ZNF681: variants seen among roughly 807,000 people sequenced by gnomAD.
ZNF681 encodes hypothetical protein FLJ31526.
A neutral mutation model predicts 56.0 loss-of-function variants in ZNF681; 37 were observed. The ratio of observed to expected loss-of-function variants is 0.66; its 90% CI spans 0.51 to 0.87. ZNF681 has a LOEUF of 0.87. Among genes scored for constraint, ZNF681 ranks in the 40% least tolerant of loss-of-function variants. ZNF681 has a pLI of 0.00. For synonymous variants in ZNF681, 225 were observed against 248.6 expected (o/e 0.91, Z 0.89); for missense variants, 741 against 744.9 (o/e 0.99, Z 0.06).
At chr19:23,747,194 T>G (rs1460495875) in intron 3 of ZNF681, among the ~76,000 whole-genome samples, 2 of 152,224 alleles carry the variant, frequency 1.3e-5, no homozygotes, top group Admixed American at 6.5e-5. Context: ...AAACTGGAAA[T>G]TGAGAACACA....
intron 3 of ZNF681, among the ~76,000 whole-genome samples, chr19:23,746,129 A>G (rs1968941332): frequency 6.6e-6 from 1 of 152,112 alleles, no homozygotes; most frequent in Non-Finnish European, 1.5e-5. Context: ...AGCCTGGCCA[A>G]CATGGTGAAA....
At chr19:23,753,538 T>C (rs1362876512) in intron 3 of ZNF681, among the ~76,000 whole-genome samples, 1 of 152,306 alleles carries the variant, frequency 6.6e-6, no homozygotes, top group Non-Finnish European at 1.5e-5. Flanking sequence ...AAATATTTCA[T>C]GTCTATAGAT....
At chr19:23,747,401 A>G (rs1203421656) in intron 3 of ZNF681, among the ~76,000 whole-genome samples, 1 of 152,122 alleles carries the variant, frequency 6.6e-6, no homozygotes, top group Non-Finnish European at 1.5e-5. Flanking sequence ...GCACTTTGGG[A>G]GGCCGAGGCG....
intron 1 of ZNF681, among the ~76,000 whole-genome samples, chr19:23,756,711 G>A (rs1259579681): frequency 6.6e-6 from 1 of 151,886 alleles, no homozygotes; most frequent in African/African-American, 2.4e-5. Flanking sequence ...TTAAAACCTA[G>A]GTGATGGGTT....
At position 23,741,277 on chromosome 19, in the gene ZNF681, G is replaced by C. The variant is rs1234981970; in HGVS notation, c.*2335C>G. 7.9e-5 allele frequency: 12 copies of C among 152,130 alleles called. No individual in the cohort carries two copies. Among genetic ancestry groups the C allele is most frequent in the Admixed American group, 7.9e-4 (12 of 15,260 alleles). 9.4% of individuals were successfully genotyped at this position (152,130 alleles called of 1,614,324 possible). Reference sequence around the variant, plus strand: ...TAGTCTGTATGTGCTTGCAGGCAGAGAGGCAACATGTTTGAAGAAAAATAT... The same window carrying C: ...TAGTCTGTATGTGCTTGCAGGCAGACAGGCAACATGTTTGAAGAAAAATAT... On this transcript the variant is annotated 3_prime_UTR_variant, in exon 4 of 4. Coordinates refer to ENST00000402377, the MANE Select transcript of ZNF681 (RefSeq NM_138286.3).
intron 3 of ZNF681, among the ~76,000 whole-genome samples, chr19:23,746,350 A>G (rs1252367190): frequency 6.6e-6 from 1 of 151,562 alleles, no homozygotes; most frequent in Non-Finnish European, 1.5e-5. Context: ...GAGAAAGTTT[A>G]TTTGGTACAC....
chr19:23,751,474 CAAAAAAAAA>C (rs71165893), intron 3 of ZNF681, among the ~76,000 whole-genome samples: 1 of 123,032 alleles, frequency 8.1e-6, no homozygotes, highest in African/African-American at 3.1e-5. Flanking sequence ...GACTCCGTCT[CAAAAAAAAA>C]AAAAAAAGAA....
At chr19:23,755,594 C>CAT in intron 1 of ZNF681, 43 bp from the exon 2 acceptor site, 1 of 910,904 alleles carries the variant, frequency 1.1e-6, no homozygotes, top group Non-Finnish European at 1.5e-6. Flanking sequence ...CACACACACA[C>CAT]ACACATACAC....
intron 2 of ZNF681, among the ~76,000 whole-genome samples, chr19:23,755,153 G>A (rs1387488323): frequency 1.3e-5 from 2 of 152,202 alleles, no homozygotes. Context: ...TTTAAAGTGT[G>A]AGCAATAATA....
rs139031533 is a variant in ZNF681, at chr19:23,745,881, T to G, written c.227-558A>C. ...GGTGAGCAGAATGCAAAGAGCCACA[T>G]AGAAAGAAAATAAAAGCCTGTTACA... is the stretch of plus-strand genomic sequence containing the variant. On this transcript the variant is annotated intron_variant, in intron 3 of 3. Coordinates refer to ENST00000402377, the MANE Select transcript of ZNF681 (RefSeq NM_138286.3). Among the ~76,000 whole-genome samples, 23 of 152,226 alleles carry G rather than the reference T, an allele frequency of 1.5e-4. 2 individuals are homozygous for G. In the East Asian group the frequency reaches 4.4e-3, roughly 29 times the overall value.
At chr19:23,749,823 A>G (rs938573433) in intron 3 of ZNF681, among the ~76,000 whole-genome samples, 1 of 152,016 alleles carries the variant, frequency 6.6e-6, no homozygotes, top group Admixed American at 6.6e-5. Context: ...AAAAAATCTG[A>G]AAAAATTCAG....
chr19:23,749,009 A>G (rs536946582), intron 3 of ZNF681, among the ~76,000 whole-genome samples: 27 of 152,326 alleles, frequency 1.8e-4, no homozygotes, highest in African/African-American at 6.3e-4. Context: ...TCTATATGCA[A>G]ACTCTGCAAT....
At chr19:23,748,285 T>C (rs12974998) in intron 3 of ZNF681, among the ~76,000 whole-genome samples, 68,271 of 151,946 alleles carry the variant, frequency 0.45, 16,383 homozygotes, top group Non-Finnish European at 0.56. Context: ...AACTCAGCAT[T>C]CCACTGAAGG....
intron 2 of ZNF681, 78 bp from the exon 3 acceptor site, chr19:23,754,996 G>A: frequency 4.9e-6 from 5 of 1,025,806 alleles, no homozygotes; most frequent in Non-Finnish European, 7.2e-6. Flanking sequence ...TCAGTAAAGA[G>A]GGTGAAATAG....
intron 2 of ZNF681, among the ~76,000 whole-genome samples, chr19:23,755,220 T>G (rs1254438878): frequency 6.6e-6 from 1 of 152,094 alleles, no homozygotes; most frequent in Non-Finnish European, 1.5e-5. Flanking sequence ...AGAATACAGA[T>G]TAGCTCAGGA....
rs1168847714 is a variant in ZNF681 at position 23,744,759 on chromosome 19, T to C, written c.791A>G (p.Asn264Ser). 6 of 1,613,356 alleles carry C rather than the reference T, an allele frequency of 3.7e-6. No individual in the cohort carries two copies. Among genetic ancestry groups the C allele is most frequent in the Non-Finnish European group, 3.4e-6 (4 of 1,179,612 alleles). Residue 264 changes from asparagine (N) to serine (S), a missense_variant, in exon 4 of 4, where the codon AAC (asparagine) becomes AGC (serine). By Grantham distance (46) the Asn-to-Ser change is conservative (BLOSUM62 1). Transcript: ENST00000402377. ...YKREECSKAF[N>S]LSSHITTHTI... is the part of the protein sequence containing the mutation. ...ATGTGTTGTAATGTGTGACGACAGG[T>C]TAAAGGCTTTGCTACATTCTTCACG...
Position 23,758,788 on chromosome 19 carries a change from T to C in ZNF681, c.-39A>G, listed in dbSNP as rs1326212748. On this transcript the variant is annotated 5_prime_UTR_variant, in exon 1 of 4. Coordinates refer to ENST00000402377, the MANE Select transcript of ZNF681 (RefSeq NM_138286.3). Reference sequence around the variant, plus strand: ...GGGGACCTGGCGTCTTAGCTATGGATCGCCAATACCTGCAGGTCAGAGGGC... The same window carrying C: ...GGGGACCTGGCGTCTTAGCTATGGACCGCCAATACCTGCAGGTCAGAGGGC... 2.5e-6 allele frequency: 4 copies of C among 1,613,968 alleles called. No homozygotes were observed. Among genetic ancestry groups the C allele is most frequent in the African/African-American group, 1.3e-5 (1 of 74,924 alleles).
Position 23,744,347 on chromosome 19 carries a change from T to C in ZNF681, c.1203A>G (p.Lys401=), listed in dbSNP as rs1968910052. The change falls in exon 4 of 4, where the codon AAA becomes AAG. Residue 401 remains lysine, a synonymous_variant. Coordinates refer to ENST00000402377, the MANE Select transcript of ZNF681 (RefSeq NM_138286.3). ...EKPYKCEECG[K]AFNKSSHLTR... ...TAAGGTGTGAGGACTTGTTAAAAGC[T>C]TTGCCACATTCTTCACATTTGTAGG... 1.9e-6 allele frequency: 3 copies of C among 1,613,902 alleles called. No individual in the cohort carries two copies. The highest frequency in any genetic ancestry group is 2.5e-6 in the Non-Finnish European group (3 of 1,179,956).
chr19:23,750,177 C>T (rs1969003790), intron 3 of ZNF681, among the ~76,000 whole-genome samples: 2 of 149,932 alleles, frequency 1.3e-5, no homozygotes, highest in African/African-American at 2.5e-5. Context: ...CCCAGCTACT[C>T]GGTGGCTGAG....
Sources: gnomAD v4.1 joint callset for allele counts (sites outside exome capture counted in the v4.1 genomes callset) on GRCh38, gnomAD v4.1.1 for gene constraint, MANE v1.5 for transcripts, NCBI Gene and HGNC (gene_info 2026-07-23, HGNC 2026-07-21) for gene names.